Variants in EPHA6 observed in about 807,000 individuals in gnomAD.
EPHA6 encodes the protein ephrin type-A receptor 6.
In EPHA6, 50 loss-of-function variants were observed where a neutral mutation model predicts 112.0. The observed-to-expected ratio is 0.45, with a 90% CI of 0.36 to 0.56. The LOEUF (loss-of-function observed/expected upper bound fraction) is 0.56, where lower values mean the gene tolerates loss of function less well. Among genes scored for constraint, EPHA6 ranks in the 20% least tolerant of loss-of-function variants. EPHA6 has a pLI of 0.00. For synonymous variants in EPHA6, 529 were observed against 490.7 expected, an observed-to-expected ratio of 1.08 and a Z score of -1.03; for missense variants, 1,280 against 1,417.4, an observed-to-expected ratio of 0.90 and a Z score of 1.56.
At chr3:97,689,616 G>A (rs1353191519) in intron 14 of EPHA6, among the ~76,000 whole-genome samples, 1 of 152,098 alleles carries the variant, frequency 6.6e-6, no homozygotes, top group Non-Finnish European at 1.5e-5. Context: ...CCTCATTGCT[G>A]CATTTTGTTT....
chr3:96,957,375 A>G (rs1435939746), intron 2 of EPHA6, among the ~76,000 whole-genome samples: 1 of 152,222 alleles, frequency 6.6e-6, no homozygotes, highest in African/African-American at 2.4e-5. Flanking sequence ...AATTTGGACA[A>G]AATAAAGATA....
chr3:96,844,871 G>T (rs1268435061), intron 1 of EPHA6, among the ~76,000 whole-genome samples: 1 of 151,902 alleles, frequency 6.6e-6, no homozygotes. Context: ...AGGCATAATT[G>T]TATTCTAAAA....
At chr3:97,035,939 A>G (rs2045075286) in intron 3 of EPHA6, among the ~76,000 whole-genome samples, 1 of 151,978 alleles carries the variant, frequency 6.6e-6, no homozygotes, top group African/African-American at 2.4e-5. Context: ...AGAGGTAATT[A>G]GGTCATGAAG....
intron 3 of EPHA6, among the ~76,000 whole-genome samples, chr3:97,009,379 G>A (rs1024656902): frequency 1.3e-5 from 2 of 152,196 alleles, no homozygotes; most frequent in African/African-American, 4.8e-5. Context: ...ACCTTAAGAG[G>A]CATTCTGGCT....
At chr3:96,994,953 A>G (rs1255497156) in intron 3 of EPHA6, among the ~76,000 whole-genome samples, 1 of 151,994 alleles carries the variant, frequency 6.6e-6, no homozygotes, top group Non-Finnish European at 1.5e-5. Context: ...AGGCATAATT[A>G]AAAACCTTTC....
Position 97,728,549 on chromosome 3 carries a change from G to A in EPHA6, c.2935-7376G>A, listed in dbSNP as rs552994775. Among the ~76,000 whole-genome samples, 5 of 152,176 alleles carry A rather than the reference G, an allele frequency of 3.3e-5. No homozygotes were observed. The South Asian group carries it at 8.3e-4, about 25-fold the overall frequency. On this transcript the variant is annotated intron_variant, in intron 15 of 17. Coordinates refer to ENST00000389672, the MANE Select transcript of EPHA6 (RefSeq NM_001080448.3). ...TGTGAGAAATATTCCTTAGAATGGA[G>A]GCCAAATCCAGAATTAAATTTACAG... is the stretch of plus-strand genomic sequence containing the variant.
chr3:97,596,619 A>G (rs959002657), intron 12 of EPHA6, among the ~76,000 whole-genome samples: 2 of 151,620 alleles, frequency 1.3e-5, no homozygotes, highest in Non-Finnish European at 2.9e-5. Flanking sequence ...ACCAACCTAT[A>G]AGATGTAAAG....
intron 2 of EPHA6, among the ~76,000 whole-genome samples, chr3:96,954,303 T>C (rs1417373250): frequency 6.6e-6 from 1 of 152,218 alleles, no homozygotes; most frequent in Non-Finnish European, 1.5e-5. Flanking sequence ...CAACGTCTTA[T>C]TAAGAATAAA....
intron 3 of EPHA6, among the ~76,000 whole-genome samples, chr3:97,167,476 G>C (rs2076569633): frequency 6.6e-6 from 1 of 151,980 alleles, no homozygotes; most frequent in South Asian, 2.1e-4. Flanking sequence ...TTACTCTACT[G>C]TATGTTTAGG....
At chr3:97,126,013 T>C (rs1037593968) in intron 3 of EPHA6, among the ~76,000 whole-genome samples, 2 of 152,214 alleles carry the variant, frequency 1.3e-5, no homozygotes, top group East Asian at 3.8e-4. Context: ...TGAGACTTAT[T>C]CAAGATCAAA....
chr3:97,153,859 A>G (rs1425196828), intron 3 of EPHA6, among the ~76,000 whole-genome samples: 2 of 152,066 alleles, frequency 1.3e-5, no homozygotes, highest in East Asian at 3.9e-4. Context: ...GAACACTGAT[A>G]CTTCCTAAAA....
intron 3 of EPHA6, among the ~76,000 whole-genome samples, chr3:97,171,122 T>C (rs1266044183): frequency 3.3e-5 from 5 of 152,108 alleles, no homozygotes; most frequent in Non-Finnish European, 7.4e-5. Flanking sequence ...AGAACAAAGA[T>C]GGTTAGTATC....
chr3:97,399,482 T>C (rs2086867069), intron 5 of EPHA6, among the ~76,000 whole-genome samples: 1 of 151,654 alleles, frequency 6.6e-6, no homozygotes, highest in Admixed American at 6.6e-5. Flanking sequence ...CATATGGTAG[T>C]TCTATTTTTA....
chr3:97,416,758 C>G (rs1275781493), intron 6 of EPHA6, among the ~76,000 whole-genome samples: 3 of 152,046 alleles, frequency 2.0e-5, no homozygotes, highest in African/African-American at 7.2e-5. Flanking sequence ...TTTAAATATG[C>G]TTAAGATATA....
intron 3 of EPHA6, among the ~76,000 whole-genome samples, chr3:97,094,302 C>T (rs1388288856): frequency 6.6e-6 from 1 of 152,098 alleles, no homozygotes; most frequent in African/African-American, 2.4e-5. Flanking sequence ...TTAGACCCCC[C>T]TAGCAATAAA....
chr3:96,837,624 T>G (rs2034495253), intron 1 of EPHA6, among the ~76,000 whole-genome samples: 1 of 152,052 alleles, frequency 6.6e-6, no homozygotes, highest in Non-Finnish European at 1.5e-5. Context: ...ATATCTTACT[T>G]TTGGACCATT....
chr3:97,728,533 T>G (rs2034885893), intron 15 of EPHA6, among the ~76,000 whole-genome samples: 1 of 152,118 alleles, frequency 6.6e-6, no homozygotes, highest in African/African-American at 2.4e-5. Context: ...CTGTGAGAAA[T>G]ATTCCTTAGA....
At chr3:97,005,879 T>C (rs1468896206) in intron 3 of EPHA6, among the ~76,000 whole-genome samples, 1 of 152,210 alleles carries the variant, frequency 6.6e-6, no homozygotes, top group East Asian at 1.9e-4. Flanking sequence ...GATAATCATG[T>C]GATTTTTGTC....
At chr3:96,879,196 A>T (rs2037156115) in intron 2 of EPHA6, among the ~76,000 whole-genome samples, 2 of 152,108 alleles carry the variant, frequency 1.3e-5, no homozygotes, top group Admixed American at 6.6e-5. Context: ...TTCACTAAAG[A>T]TCCATTTCTA....
Sources: allele counts gnomAD v4.1 joint callset (sites outside exome capture counted in the v4.1 genomes callset), GRCh38; gene constraint gnomAD v4.1.1; transcripts MANE v1.5; gene names NCBI Gene and HGNC (gene_info 2026-07-23, HGNC 2026-07-21).